GPC5: variants seen among roughly 807,000 people sequenced by gnomAD.
GPC5 encodes glypican-5.
GPC5 carries 47 observed loss-of-function variants against 53.9 expected under a neutral mutation model. The observed-to-expected ratio is 0.87, with a 90% CI of 0.69 to 1.11. The LOEUF (loss-of-function observed/expected upper bound fraction) is 1.11. Among genes scored for constraint, GPC5 ranks in the 50% most tolerant of loss-of-function variants. The pLI, the probability that GPC5 is intolerant of heterozygous loss-of-function variation, is 0.00. For synonymous variants in GPC5, 286 were observed against 263.3 expected (o/e 1.09, Z -0.84); for missense variants, 748 against 713.1 (o/e 1.05, Z -0.56).
At chr13:91,472,774 C>A in intron 2 of GPC5, among the ~76,000 whole-genome samples, 1 of 152,100 alleles carries the variant, frequency 6.6e-6, no homozygotes, top group Non-Finnish European at 1.5e-5. Flanking sequence ...TGAATTTGTG[C>A]CTTCGTACTT....
chr13:91,448,947 C>T (rs1267094130), intron 2 of GPC5, 25 bp downstream of exon 2: 28 of 1,607,336 alleles, frequency 1.7e-5, no homozygotes, highest in Non-Finnish European at 2.3e-5. Flanking sequence ...AATTCTGCAA[C>T]TAAGGACTGG....
At chr13:92,276,593 T>C (rs1259333300) in intron 7 of GPC5, among the ~76,000 whole-genome samples, 2 of 152,110 alleles carry the variant, frequency 1.3e-5, no homozygotes, top group Non-Finnish European at 2.9e-5. Flanking sequence ...ATGTGATTCA[T>C]GAGTGCTAGC....
intron 7 of GPC5, among the ~76,000 whole-genome samples, chr13:92,266,163 A>G (rs1202456583): frequency 6.6e-6 from 1 of 152,170 alleles, no homozygotes; most frequent in Non-Finnish European, 1.5e-5. Flanking sequence ...GGACGCATTT[A>G]AAGCATAACT....
At chr13:91,912,259 G>A (rs980290800) in intron 6 of GPC5, among the ~76,000 whole-genome samples, 1 of 152,050 alleles carries the variant, frequency 6.6e-6, no homozygotes, top group African/African-American at 2.4e-5. Context: ...TTTTCTTACT[G>A]TAAGAATAAT....
chr13:91,889,694 A>C (rs2138965878), intron 5 of GPC5, among the ~76,000 whole-genome samples: 1 of 152,308 alleles, frequency 6.6e-6, no homozygotes, highest in South Asian at 2.1e-4. Context: ...TATCAGTCAT[A>C]TATTCACGCA....
intron 7 of GPC5, among the ~76,000 whole-genome samples, chr13:92,784,481 T>G (rs1349365547): frequency 2.0e-5 from 3 of 152,152 alleles, no homozygotes; most frequent in Non-Finnish European, 4.4e-5. Context: ...GTCTCCCTTT[T>G]TTTTTTTACA....
At chr13:92,602,231 A>ATAAATATATATATATAT (rs1555294283) in intron 7 of GPC5, among the ~76,000 whole-genome samples, 1 of 4,966 alleles carries the variant, frequency 2.0e-4, no homozygotes, top group Non-Finnish European at 1.6e-3. Context: ...ATATATATAT[A>ATAAATATATATATATAT]ACATATATAT....
chr13:92,427,993 C>A (rs1485889926), intron 7 of GPC5, among the ~76,000 whole-genome samples: 1 of 152,046 alleles, frequency 6.6e-6, no homozygotes, highest in Non-Finnish European at 1.5e-5. Flanking sequence ...TTTCAGACAG[C>A]CTGTATCATT....
chr13:92,104,957 G>C, intron 6 of GPC5, among the ~76,000 whole-genome samples: 1 of 152,064 alleles, frequency 6.6e-6, no homozygotes, highest in East Asian at 1.9e-4. Flanking sequence ...TAGTGTTTTT[G>C]TTCAGTCATT....
intron 5 of GPC5, among the ~76,000 whole-genome samples, chr13:91,847,697 A>G (rs1043103563): frequency 1.3e-5 from 2 of 152,224 alleles, no homozygotes; most frequent in Admixed American, 1.3e-4. Flanking sequence ...CAGATTATTT[A>G]GAAATAGAAT....
chr13:92,197,826 C>A (rs2042268206), intron 7 of GPC5, among the ~76,000 whole-genome samples: 2 of 151,938 alleles, frequency 1.3e-5, no homozygotes, highest in Non-Finnish European at 2.9e-5. Context: ...CCCCATATGT[C>A]TTAAGATAAA....
intron 2 of GPC5, among the ~76,000 whole-genome samples, chr13:91,566,589 C>CAA (rs2031541127): frequency 6.6e-6 from 1 of 151,978 alleles, no homozygotes; most frequent in Admixed American, 6.6e-5. Flanking sequence ...AATTTCTGAA[C>CAA]TATTTCCCAG....
chr13:92,326,765 G>T (rs984473656), intron 7 of GPC5, among the ~76,000 whole-genome samples: 1 of 152,070 alleles, frequency 6.6e-6, no homozygotes, highest in South Asian at 2.1e-4. Flanking sequence ...AGTAATTTGG[G>T]TAATTCTTTA....
chr13:92,694,852 G>A (rs151041988), intron 7 of GPC5, among the ~76,000 whole-genome samples: 2 of 152,296 alleles, frequency 1.3e-5, no homozygotes, highest in East Asian at 3.9e-4. Context: ...TTGGCTCTGT[G>A]TCCCCACTCA....
chr13:91,693,217 A>G lies in GPC5; in HGVS notation c.356A>G (p.Glu119Gly). The G allele has an allele frequency of 1.2e-6, 2 of 1,613,496 alleles. No individual in the cohort carries two copies. Among genetic ancestry groups the G allele is most frequent in the Non-Finnish European group, 8.5e-7 (1 of 1,179,742 alleles). ...ETLETLIKQA[E>G]NYTSILFCST... ...CTTGAAACTCTCATCAAACAAGCAGAAAATTACACCAGTATACTTTTTTGC... is the reference window on the plus strand; with the variant it reads ...CTTGAAACTCTCATCAAACAAGCAGGAAATTACACCAGTATACTTTTTTGC... Residue 119 changes from glutamate (E) to glycine (G), a missense_variant, in exon 3 of 8, where the codon GAA becomes GGA. Physicochemically the swap from Glu to Gly is moderately conservative, Grantham distance 98 (BLOSUM62 -2). Transcript: ENST00000377067.
At chr13:91,419,013 A>T (rs1009564537) in intron 1 of GPC5, among the ~76,000 whole-genome samples, 10 of 152,058 alleles carry the variant, frequency 6.6e-5, no homozygotes, top group Non-Finnish European at 1.3e-4. Flanking sequence ...AATGACCTTA[A>T]TTATATCGTG....
At position 91,782,497 on chromosome 13, in the gene GPC5, C is replaced by T. The variant is rs558459314; in HGVS notation, c.1280+26077C>T. Among the ~76,000 whole-genome samples, 200 of 152,136 alleles carry T rather than the reference C, an allele frequency of 1.3e-3. 3 individuals carry two copies. The Middle Eastern group carries it at 0.044, about 34-fold the overall frequency. ...CAGGAGAGACTGCCCCTTAGAAAAC[C>T]ATCAGATCCCATGAGAACTCACTCA... On this transcript the variant is annotated intron_variant, in intron 5 of 7. Transcript: ENST00000377067.
chr13:91,566,428 G>A (rs1433481333), intron 2 of GPC5, among the ~76,000 whole-genome samples: 1 of 152,094 alleles, frequency 6.6e-6, no homozygotes, highest in African/African-American at 2.4e-5. Flanking sequence ...GCCGGGCGTG[G>A]TGGTGCACGC....
At chr13:91,591,130 A>G (rs1397911622) in intron 2 of GPC5, among the ~76,000 whole-genome samples, 2 of 152,214 alleles carry the variant, frequency 1.3e-5, no homozygotes, top group Non-Finnish European at 2.9e-5. Flanking sequence ...TGTTTGTTAA[A>G]GACACATGTT....
Sources: allele counts gnomAD v4.1 joint callset (sites outside exome capture counted in the v4.1 genomes callset), GRCh38; gene constraint gnomAD v4.1.1; transcripts MANE v1.5; gene names NCBI Gene and HGNC (gene_info 2026-07-23, HGNC 2026-07-21).